The following CDH13 variants were observed in gnomAD, a reference collection of about 807,000 sequenced individuals.
CDH13 encodes the protein cadherin-13.
In CDH13, 24 loss-of-function variants were observed where a neutral mutation model predicts 63.8. The ratio of observed to expected loss-of-function variants is 0.38; its 90% CI spans 0.27 to 0.53. The LOEUF (loss-of-function observed/expected upper bound fraction) is 0.53, where lower values mean the gene tolerates loss of function less well. Among genes scored for constraint, CDH13 ranks in the 20% least tolerant of loss-of-function variants. CDH13 has a pLI of 0.85. For missense variants in CDH13, 1,049 were observed against 903.1 expected (o/e 1.16, Z -2.07); for synonymous variants, 503 against 355.3 (o/e 1.42, Z -4.67).
chr16:82,777,696 C>A lies in CDH13; in HGVS notation c.46-80666C>A, dbSNP rs73604820. ...CTGGGTCTTTGGGCCATAATCAAGGCTAAAATCAAGGTGTCAACTGAGGCA... is the reference window on the plus strand; with the variant it reads ...CTGGGTCTTTGGGCCATAATCAAGGATAAAATCAAGGTGTCAACTGAGGCA... On this transcript the variant is annotated intron_variant, in intron 1 of 13. Coordinates refer to ENST00000567109, the MANE Select transcript of CDH13 (RefSeq NM_001257.5). Among the ~76,000 whole-genome samples, 415 of 152,270 alleles carry A rather than the reference C, an allele frequency of 2.7e-3. 2 individuals are homozygous for A. The highest frequency in any genetic ancestry group is 9.6e-3 in the African/African-American group (398 of 41,552).
intron 4 of CDH13, among the ~76,000 whole-genome samples, chr16:83,134,555 G>C (rs1349308626): frequency 2.8e-5 from 2 of 71,676 alleles, no homozygotes; most frequent in East Asian, 6.3e-4. Context: ...GAGAGAGAGA[G>C]AGAGAGAGAG....
rs896681991 is a variant in CDH13, at chr16:83,036,114, C to T, written c.366+3896C>T. 1.7e-4 allele frequency among the ~76,000 whole-genome samples: 25 copies of T among 148,804 alleles called. 1 individual carries two copies. Among genetic ancestry groups the T allele is most frequent in the African/African-American group, 7.4e-5 (3 of 40,434 alleles). ...GGCGGAAGAGGGCCTCAGACCTTAG[C>T]AGCATGGCTCTGGCTCTGGAGCTCT... On this transcript the variant is annotated intron_variant, in intron 3 of 13. Transcript: ENST00000567109.
chr16:82,797,010 C>T (rs748377917), intron 1 of CDH13, among the ~76,000 whole-genome samples: 8 of 152,224 alleles, frequency 5.3e-5, no homozygotes, highest in Non-Finnish European at 1.2e-4. Flanking sequence ...CCAAACCAGC[C>T]TGACACAGTA....
At chr16:82,969,301 A>G (rs1484967357) in intron 2 of CDH13, among the ~76,000 whole-genome samples, 1 of 152,090 alleles carries the variant, frequency 6.6e-6, no homozygotes, top group African/African-American at 2.4e-5. Flanking sequence ...GATACATAAA[A>G]GAATGAATGT....
intron 4 of CDH13, among the ~76,000 whole-genome samples, chr16:83,207,953 A>G (rs940604898): frequency 6.6e-6 from 1 of 152,162 alleles, no homozygotes; most frequent in Admixed American, 6.5e-5. Context: ...CCACTAAAAG[A>G]TGAAGGATCT....
intron 2 of CDH13, among the ~76,000 whole-genome samples, chr16:82,936,512 G>A (rs1285695619): frequency 2.0e-5 from 3 of 152,194 alleles, no homozygotes; most frequent in East Asian, 3.9e-4. Context: ...CACAAAACTG[G>A]TCCTTGGTGC....
At chr16:83,739,370 G>GCA (rs1911846538) in intron 10 of CDH13, among the ~76,000 whole-genome samples, 1 of 152,206 alleles carries the variant, frequency 6.6e-6, no homozygotes, top group African/African-American at 2.4e-5. Context: ...TGACCCCACT[G>GCA]GGAGCAGACT....
chr16:82,930,776 C>T (rs996803378), intron 2 of CDH13, among the ~76,000 whole-genome samples: 3 of 152,162 alleles, frequency 2.0e-5, no homozygotes, highest in Admixed American at 1.3e-4. Flanking sequence ...TACTCCAGTT[C>T]ACCCTAGGTG....
chr16:83,487,532 C>G (rs1412454445), intron 7 of CDH13, among the ~76,000 whole-genome samples: 1 of 152,146 alleles, frequency 6.6e-6, no homozygotes, highest in Non-Finnish European at 1.5e-5. Context: ...TTGAGGTCCA[C>G]CGTGTAGCTT....
chr16:82,970,059 G>A (rs1908477144), intron 2 of CDH13, among the ~76,000 whole-genome samples: 2 of 151,938 alleles, frequency 1.3e-5, no homozygotes, highest in African/African-American at 4.8e-5. Flanking sequence ...TCTACATTAG[G>A]TATTTCTCCT....
At chr16:83,473,723 T>C (rs16960601) in intron 6 of CDH13, among the ~76,000 whole-genome samples, 3,828 of 152,260 alleles carry the variant, frequency 0.025, 165 homozygotes, top group African/African-American at 0.087. Flanking sequence ...ATGTGAAATA[T>C]CTGACATGAG....
At chr16:83,096,684 G>A (rs1381185336) in intron 3 of CDH13, among the ~76,000 whole-genome samples, 2 of 152,194 alleles carry the variant, frequency 1.3e-5, no homozygotes, top group Non-Finnish European at 2.9e-5. Context: ...CTTGGACTGA[G>A]TGCAATTATA....
At chr16:82,948,101 T>C (rs1342773371) in intron 2 of CDH13, among the ~76,000 whole-genome samples, 4 of 152,176 alleles carry the variant, frequency 2.6e-5, no homozygotes, top group Admixed American at 1.3e-4. Context: ...CAATGCTTAG[T>C]AAAGCCGGTA....
At chr16:83,501,665 G>T (rs971690279) in intron 7 of CDH13, among the ~76,000 whole-genome samples, 2 of 152,132 alleles carry the variant, frequency 1.3e-5, no homozygotes, top group Admixed American at 1.3e-4. Context: ...AGTTCCCAAG[G>T]GCTGACCTGC....
chr16:82,682,909 A>G (rs755718964), intron 1 of CDH13, among the ~76,000 whole-genome samples: 38 of 152,194 alleles, frequency 2.5e-4, no homozygotes, highest in Non-Finnish European at 4.7e-4. Flanking sequence ...ACACACAGCC[A>G]TTGCCCACAG....
At chr16:83,053,234 A>T (rs2030570108) in intron 3 of CDH13, among the ~76,000 whole-genome samples, 1 of 152,186 alleles carries the variant, frequency 6.6e-6, no homozygotes, top group South Asian at 2.1e-4. Context: ...CTAGGGATGG[A>T]GAGTTCTGGC....
At chr16:83,749,546 C>T (rs113754721) in intron 11 of CDH13, among the ~76,000 whole-genome samples, 1 of 152,300 alleles carries the variant, frequency 6.6e-6, no homozygotes, top group African/African-American at 2.4e-5. Context: ...GTGGAAAAGT[C>T]ACATCTTCAA....
chr16:83,231,347 C>T (rs1374814412), intron 5 of CDH13, among the ~76,000 whole-genome samples: 1 of 152,180 alleles, frequency 6.6e-6, no homozygotes, highest in Admixed American at 6.5e-5. Flanking sequence ...GTTCAGGGCT[C>T]TCCGAGGGAA....
chr16:83,730,900 T>C (rs564944912), intron 10 of CDH13, among the ~76,000 whole-genome samples: 2 of 152,174 alleles, frequency 1.3e-5, no homozygotes, highest in African/African-American at 4.8e-5. Flanking sequence ...CACTTAGAAC[T>C]GAGAACATGC....
Sources: gnomAD v4.1 joint callset for allele counts (sites outside exome capture counted in the v4.1 genomes callset) on GRCh38, gnomAD v4.1.1 for gene constraint, MANE v1.5 for transcripts, NCBI Gene and HGNC (gene_info 2026-07-23, HGNC 2026-07-21) for gene names.